Variants in RTKN2 observed in about 807,000 individuals in gnomAD.
The protein encoded by RTKN2 is rhotekin 2, also known as rhotekin-2.
In RTKN2, 69 loss-of-function variants were observed where a neutral mutation model predicts 71.5. The ratio of observed to expected loss-of-function variants is 0.96; its 90% CI spans 0.79 to 1.18. The LOEUF is 1.18. Ranked by LOEUF, RTKN2 falls within the 50% of genes most tolerant of loss-of-function variation. The pLI, the probability that RTKN2 is intolerant of heterozygous loss-of-function variation, is 0.00. For missense variants in RTKN2, 724 were observed against 719.7 expected, an observed-to-expected ratio of 1.01 and a Z score of -0.07; for synonymous variants, 236 against 236.5, an observed-to-expected ratio of 1.00 and a Z score of 0.02.
At chr10:62,227,679 A>C (rs1463580887) in intron 6 of RTKN2, among the ~76,000 whole-genome samples, 2 of 152,198 alleles carry the variant, frequency 1.3e-5, no homozygotes, top group Non-Finnish European at 2.9e-5. Context: ...CTTGTATCAA[A>C]ATTAAATGAT....
intron 8 of RTKN2, among the ~76,000 whole-genome samples, chr10:62,187,278 A>G (rs1475410797): frequency 2.4e-5 from 2 of 84,652 alleles, no homozygotes; most frequent in Non-Finnish European, 4.6e-5. Flanking sequence ...CACAAATCAC[A>G]AAAAAAAAAA....
At position 62,268,542 on chromosome 10, in the gene RTKN2, G is replaced by C. The variant is rs768389309; in HGVS notation, c.60+9C>G. 1.9e-6 allele frequency: 3 copies of C among 1,553,566 alleles called. No individual in the cohort carries two copies. In the South Asian group the frequency reaches 3.6e-5, roughly 18 times the overall value. On this transcript the variant is annotated intron_variant, in intron 1 of 11. Coordinates refer to ENST00000373789, the MANE Select transcript of RTKN2 (RefSeq NM_145307.4). ...CACCTTCCGCGGCAGGGTCCCTCCC[G>C]CAACTCACCTGCTGGGTGGGAAGCC... is the stretch of plus-strand genomic sequence containing the variant.
rs12780213 is a variant in RTKN2, at chr10:62,195,499, T to G, written c.*2409A>C. 4.5e-6 allele frequency: 4 copies of G among 882,538 alleles called. No homozygotes were observed. The highest frequency in any genetic ancestry group is 4.1e-6 in the Non-Finnish European group (3 of 738,390). The allele number at this position is 882,538 out of a possible 1,614,324, so 54.7% of individuals were successfully genotyped here. On this transcript the variant is annotated 3_prime_UTR_variant, in exon 12 of 12. Transcript: ENST00000373789. ...GGAGGAAGGAGAGACAGAAGGAAAG[T>G]GGGAAAAGGGGATGAGACAGAGAGA...
intron 3 of RTKN2, among the ~76,000 whole-genome samples, chr10:62,243,876 A>G (rs1842428797): frequency 6.6e-6 from 1 of 152,216 alleles, no homozygotes; most frequent in East Asian, 1.9e-4. Context: ...TTCAAAAGTG[A>G]AAACTAAGGT....
intron 9 of RTKN2, among the ~76,000 whole-genome samples, chr10:62,215,704 G>A (rs919660276): frequency 7.9e-5 from 12 of 151,900 alleles, no homozygotes; most frequent in Non-Finnish European, 1.3e-4. Context: ...AGCAAATGTG[G>A]CAAAATGTTA....
At chr10:62,261,228 T>C (rs909083138) in intron 2 of RTKN2, among the ~76,000 whole-genome samples, 3 of 152,212 alleles carry the variant, frequency 2.0e-5, no homozygotes, top group African/African-American at 7.2e-5. Context: ...TGACATTTGT[T>C]GAGTACTAAG....
chr10:62,265,300 G>A (rs1176162245), intron 1 of RTKN2, among the ~76,000 whole-genome samples: 1 of 152,132 alleles, frequency 6.6e-6, no homozygotes, highest in Non-Finnish European at 1.5e-5. Flanking sequence ...CATTCATATT[G>A]TCTATGGCTC....
intron 1 of RTKN2, among the ~76,000 whole-genome samples, chr10:62,266,967 A>T (rs1162194494): frequency 6.6e-6 from 1 of 152,232 alleles, no homozygotes; most frequent in African/African-American, 2.4e-5. Context: ...GGGTTTCAGC[A>T]GAGGTGTTTG....
chr10:62,236,274 G>T lies in RTKN2; in HGVS notation c.489-11C>A, dbSNP rs772552482. On this transcript the variant is annotated splice_polypyrimidine_tract_variant and intron_variant, in intron 5 of 11. Coordinates refer to ENST00000373789, the MANE Select transcript of RTKN2 (RefSeq NM_145307.4). ...GGCCCTGCTTCATTACTAAAAACAA[G>T]GGCATTCATAATGTTGGAAATTTAA... 8 of 1,558,904 alleles carry T rather than the reference G, an allele frequency of 5.1e-6. No individual in the cohort carries two copies. The highest frequency in any genetic ancestry group is 1.2e-5 in the South Asian group (1 of 85,788).
At position 62,204,909 on chromosome 10, in the gene RTKN2, T is replaced by A; in HGVS notation, c.1134A>T (p.Arg378Ser). 6.3e-7 allele frequency: 1 copy of A among 1,599,034 alleles called. No homozygotes were observed. The highest frequency in any genetic ancestry group is 8.5e-7 in the Non-Finnish European group (1 of 1,175,128). ...CTTCCATCCACTTCTGAAGATCTTC[T>A]CTATTGTCAACTGCAAAAATCTGAG... ...AITQIFAVDN[R>S]EDLQKWMEAF... Residue 378 changes from arginine (R) to serine (S), a missense_variant, in exon 10 of 12, where the codon AGA (arginine) becomes AGT (serine). Coordinates refer to ENST00000373789, the MANE Select transcript of RTKN2 (RefSeq NM_145307.4).
At position 62,197,227 on chromosome 10, in the gene RTKN2, TAGTA is replaced by T; in HGVS notation, c.*677_*680del. 1 of 985,372 alleles carries T rather than the reference TAGTA, an allele frequency of 1.0e-6. No homozygotes were observed. Among genetic ancestry groups the T allele is most frequent in the Non-Finnish European group, 1.2e-6 (1 of 829,500 alleles). 61.0% of individuals were successfully genotyped at this position (985,372 alleles called of 1,614,324 possible). On this transcript the variant is annotated 3_prime_UTR_variant, in exon 12 of 12. Transcript: ENST00000373789. Reference sequence around the variant, plus strand: ...CATTTCATCTACCATTTCTCTAAACTAGTAAGTGTTATGCTTCATTTATGAAAGT... The same window carrying T: ...CATTTCATCTACCATTTCTCTAAACTAGTGTTATGCTTCATTTATGAAAGT...
chr10:62,233,575 T>TA (rs1564516258), intron 6 of RTKN2, among the ~76,000 whole-genome samples: 5 of 151,844 alleles, frequency 3.3e-5, no homozygotes, highest in African/African-American at 1.2e-4. Flanking sequence ...CAAACAGCAT[T>TA]AAAAAAAACT....
At chr10:62,184,218 AG>A (rs1353514346) in exon 9 of RTKN2, 1 of 694,294 alleles carries the variant, frequency 1.4e-6, no homozygotes, top group African/African-American at 2.2e-5. Flanking sequence ...GAATACAGGA[AG>A]GAGACGCGTT....
chr10:62,268,785 G>A lies in RTKN2; in HGVS notation c.-175C>T, dbSNP rs960000716. 1.3e-5 allele frequency: 8 copies of A among 612,886 alleles called. No individual in the cohort carries two copies. Among genetic ancestry groups the A allele is most frequent in the Middle Eastern group, 4.4e-4 (1 of 2,284 alleles). The allele number at this position is 612,886 out of a possible 1,614,324, so 38.0% of individuals were successfully genotyped here. A position where few individuals can be genotyped will look rare whatever the true frequency, so the allele number is the denominator to read the frequency against. ...AGCGCACGCGCAGTGGGCGCGCCTT[G>A]CGCTCTGCAGCTCCCGCCGCCGGAA... On this transcript the variant is annotated 5_prime_UTR_variant, in exon 1 of 12. Coordinates refer to ENST00000373789, the MANE Select transcript of RTKN2 (RefSeq NM_145307.4).
chr10:62,256,356 T>C (rs1284606255), intron 2 of RTKN2, among the ~76,000 whole-genome samples: 1 of 152,144 alleles, frequency 6.6e-6, no homozygotes, highest in Non-Finnish European at 1.5e-5. Flanking sequence ...CAAGGGGTTT[T>C]TAGAAATAGG....
intron 2 of RTKN2, among the ~76,000 whole-genome samples, chr10:62,259,876 C>T: frequency 6.6e-6 from 1 of 152,134 alleles, no homozygotes; most frequent in East Asian, 1.9e-4. Context: ...TCTCGGAATG[C>T]TGCCTTCCTC....
rs543578666 is a variant in RTKN2 at position 62,268,844 on chromosome 10, C to T, written c.-234G>A. Reference sequence around the variant, plus strand: ...GACCCCAGGCTCTAGCGCGGCGGGGCGGGGGAGAGGGCGGCGGTGCCGGAC... The same window carrying T: ...GACCCCAGGCTCTAGCGCGGCGGGGTGGGGGAGAGGGCGGCGGTGCCGGAC... On this transcript the variant is annotated 5_prime_UTR_variant, in exon 1 of 12. Coordinates refer to ENST00000373789, the MANE Select transcript of RTKN2 (RefSeq NM_145307.4). The T allele has an allele frequency of 3.2e-5, 17 of 531,140 alleles. No individual in the cohort carries two copies. Among genetic ancestry groups the T allele is most frequent in the Non-Finnish European group, 5.2e-5 (16 of 305,672 alleles). The allele number at this position is 531,140 out of a possible 1,614,324, so 32.9% of individuals were successfully genotyped here. A position where few individuals can be genotyped will look rare whatever the true frequency, so the allele number is the denominator to read the frequency against.
intron 6 of RTKN2, among the ~76,000 whole-genome samples, chr10:62,226,074 G>A (rs765289960): frequency 5.9e-5 from 9 of 152,052 alleles, no homozygotes; most frequent in Admixed American, 1.3e-4. Flanking sequence ...GAGCCACTGC[G>A]CCCGGCAACA....
intron 6 of RTKN2, among the ~76,000 whole-genome samples, chr10:62,235,860 A>C (rs1589367743): frequency 6.6e-6 from 1 of 152,102 alleles, no homozygotes; most frequent in Admixed American, 6.6e-5. Context: ...AGAATTCCAA[A>C]TCACTAAAAA....
Sources: gnomAD v4.1 joint callset for allele counts (sites outside exome capture counted in the v4.1 genomes callset) on GRCh38, gnomAD v4.1.1 for gene constraint, MANE v1.5 for transcripts, NCBI Gene and HGNC (gene_info 2026-07-23, HGNC 2026-07-21) for gene names.